RBFOX1: variants seen among roughly 807,000 people sequenced by gnomAD.
RBFOX1 encodes the protein RNA binding fox-1 homolog 1, also known as RNA binding protein fox-1 homolog 1.
RBFOX1 carries 8 observed loss-of-function variants against 57.7 expected under a neutral mutation model. The observed-to-expected ratio is 0.14, with a 90% CI of 0.08 to 0.25. The LOEUF is 0.25. RBFOX1 is among the 10% of genes least tolerant of loss of function. RBFOX1 has a pLI of 1.00. For missense variants in RBFOX1, 611 were observed against 548.5 expected, an observed-to-expected ratio of 1.11 and a Z score of -1.14; for synonymous variants, 326 against 222.4, an observed-to-expected ratio of 1.47 and a Z score of -4.15.
At chr16:6,952,646 C>T (rs2153527769) in intron 3 of RBFOX1, among the ~76,000 whole-genome samples, 1 of 151,644 alleles carries the variant, frequency 6.6e-6, no homozygotes, top group East Asian at 2.0e-4. Context: ...TCCCTCCTCC[C>T]TCCAAAAAAA....
At chr16:6,099,648 T>C (rs1021545897) in intron 1 of RBFOX1, among the ~76,000 whole-genome samples, 2 of 152,192 alleles carry the variant, frequency 1.3e-5, no homozygotes, top group Admixed American at 6.5e-5. Flanking sequence ...GTATTCACTT[T>C]AGCATAGTAC....
chr16:7,034,848 C>CTTTTCTTT (rs1412479062), intron 3 of RBFOX1, among the ~76,000 whole-genome samples: 4 of 30,832 alleles, frequency 1.3e-4, no homozygotes, highest in African/African-American at 7.0e-4. Context: ...TTTCTTTTTT[C>CTTTTCTTT]TTTTTTTTTT....
chr16:6,579,933 G>A (rs1342550668), intron 2 of RBFOX1, among the ~76,000 whole-genome samples: 2 of 151,860 alleles, frequency 1.3e-5, no homozygotes, highest in Non-Finnish European at 1.5e-5. Context: ...TAGGTTCATG[G>A]ACCTGTTCAT....
At chr16:5,526,039 A>G (rs989788007) in intron 2 of RBFOX1, among the ~76,000 whole-genome samples, 1 of 152,066 alleles carries the variant, frequency 6.6e-6, no homozygotes, top group Non-Finnish European at 1.5e-5. Context: ...ACGGGCAGTC[A>G]CAGGTGAAAC....
At chr16:7,693,407 C>G (rs377643084) in intron 14 of RBFOX1, 20 of 1,248,594 alleles carry the variant, frequency 1.6e-5, no homozygotes, top group East Asian at 2.4e-5. Context: ...CCATCCAAGT[C>G]TCAGTATCCT....
At chr16:5,529,655 C>A (rs1449702308) in intron 2 of RBFOX1, among the ~76,000 whole-genome samples, 1 of 151,862 alleles carries the variant, frequency 6.6e-6, no homozygotes, top group Admixed American at 6.6e-5. Context: ...CAATCTCCAC[C>A]TCCCGGGTTT....
At chr16:6,842,643 A>G (rs1375508834) in intron 3 of RBFOX1, among the ~76,000 whole-genome samples, 2 of 128,040 alleles carry the variant, frequency 1.6e-5, no homozygotes, top group South Asian at 2.7e-4. Flanking sequence ...TTTTTTTTAA[A>G]TCTATTTGCT....
intron 3 of RBFOX1, among the ~76,000 whole-genome samples, chr16:6,964,229 G>T (rs2083611607): frequency 6.6e-6 from 1 of 151,746 alleles, no homozygotes; most frequent in Admixed American, 6.6e-5. Flanking sequence ...TTGTTGGCCA[G>T]GCTGGTCTCG....
intron 1 of RBFOX1, among the ~76,000 whole-genome samples, chr16:6,226,525 A>G (rs1282309783): frequency 1.3e-5 from 2 of 152,138 alleles, no homozygotes; most frequent in Non-Finnish European, 2.9e-5. Context: ...GCGGTGTTCA[A>G]GTTTTCAAGG....
intron 3 of RBFOX1, among the ~76,000 whole-genome samples, chr16:6,969,766 G>A (rs531910826): frequency 2.4e-4 from 37 of 151,908 alleles, no homozygotes; most frequent in Admixed American, 1.2e-3. Context: ...ATAAGGTAAC[G>A]TATCTTAATT....
chr16:6,020,099 C>A (rs111319987), intron 1 of RBFOX1, 107 bp downstream of exon 1: 30 of 1,247,276 alleles, frequency 2.4e-5, no homozygotes, highest in Non-Finnish European at 3.1e-5. Context: ...TGGCCTCCTC[C>A]TAGCGCCAGT....
intron 1 of RBFOX1, among the ~76,000 whole-genome samples, chr16:5,466,603 G>A (rs921524068): frequency 1.3e-5 from 2 of 152,190 alleles, no homozygotes; most frequent in Admixed American, 1.3e-4. Context: ...TCTTCCTGTG[G>A]TTTCCCATAT....
chr16:6,573,075 C>G (rs1190637737), intron 2 of RBFOX1, among the ~76,000 whole-genome samples: 1 of 152,132 alleles, frequency 6.6e-6, no homozygotes, highest in African/African-American at 2.4e-5. Flanking sequence ...ATTTTAATTT[C>G]TCGTTGATCT....
rs1443966110 is a variant in RBFOX1, at chr16:5,816,337, G to C, written c.319-50966G>C. Among the ~76,000 whole-genome samples, 6 of 152,098 alleles carry C rather than the reference G, an allele frequency of 3.9e-5. No homozygotes were observed. The East Asian group carries it at 1.2e-3, about 29-fold the overall frequency. ...TACCCGTCAATTACAAAACCTTCCA[G>C]GTACTTTGGATTCTTACTGTCTGAA... On this transcript the variant is annotated intron_variant, in intron 3 of 19. Transcript: ENST00000641259.
At chr16:6,571,270 C>A (rs1402991036) in intron 2 of RBFOX1, among the ~76,000 whole-genome samples, 1 of 152,128 alleles carries the variant, frequency 6.6e-6, no homozygotes, top group Non-Finnish European at 1.5e-5. Flanking sequence ...GGGCTGAGGG[C>A]CTGAGAACCA....
rs184015411 is a variant in RBFOX1, at chr16:6,774,577, T to A, written c.-16+119927T>A. 2.0e-3 allele frequency among the ~76,000 whole-genome samples: 308 copies of A among 152,316 alleles called. 1 individual carries two copies. The highest frequency in any genetic ancestry group is 7.1e-3 in the African/African-American group (297 of 41,566). ...AAGCAGCTAATGATAATTTACTGAT[T>A]GTTACAAACAATCTACATGTCAGCT... On this transcript the variant is annotated intron_variant, in intron 3 of 15. Coordinates refer to ENST00000550418, the MANE Select transcript of RBFOX1 (RefSeq NM_018723.4).
At chr16:5,472,347 T>G (rs75420304) in intron 2 of RBFOX1, among the ~76,000 whole-genome samples, 1 of 152,006 alleles carries the variant, frequency 6.6e-6, no homozygotes, top group Admixed American at 6.6e-5. Context: ...CCTCCCAACA[T>G]TGTCCCCCCA....
chr16:5,593,703 T>A (rs1340567339), intron 2 of RBFOX1, among the ~76,000 whole-genome samples: 1 of 152,196 alleles, frequency 6.6e-6, no homozygotes, highest in Non-Finnish European at 1.5e-5. Flanking sequence ...TCCCTTGTTT[T>A]GCGTATCAAG....
At chr16:7,708,932 A>G (rs2083381249) in intron 14 of RBFOX1, 124 bp from the exon 15 acceptor site, 3 of 802,658 alleles carry the variant, frequency 3.7e-6, no homozygotes, top group Non-Finnish European at 4.2e-6. Context: ...GCAGAGTAGA[A>G]TTTGCTTCTC....
Sources: allele counts gnomAD v4.1 joint callset (sites outside exome capture counted in the v4.1 genomes callset), GRCh38; gene constraint gnomAD v4.1.1; transcripts MANE v1.5; gene names NCBI Gene and HGNC (gene_info 2026-07-23, HGNC 2026-07-21).